The following SPECC1L variants were observed in gnomAD, a reference collection of about 807,000 sequenced individuals.
The protein encoded by SPECC1L is sperm antigen with calponin homology and coiled-coil domains 1 like, also known as cytospin-A.
SPECC1L carries 40 observed loss-of-function variants against 116.8 expected under a neutral mutation model. That is an observed-to-expected ratio of 0.34 (90% CI 0.27 to 0.45). The LOEUF is 0.45. Ranked by LOEUF, SPECC1L falls within the 20% of genes least tolerant of loss-of-function variation. The pLI is 1.00. For synonymous variants in SPECC1L, 504 were observed against 500.6 expected, an observed-to-expected ratio of 1.01 and a Z score of -0.09; for missense variants, 1,110 against 1,373.6, an observed-to-expected ratio of 0.81 and a Z score of 3.03.
At chr22:24,331,038 A>C (rs75646432) in intron 8 of SPECC1L, among the ~76,000 whole-genome samples, 5,139 of 152,306 alleles carry the variant, frequency 0.034, 176 homozygotes, top group African/African-American at 0.083. Flanking sequence ...CACTTGTTTT[A>C]TCTTATAATT....
intron 14 of SPECC1L, among the ~76,000 whole-genome samples, chr22:24,407,122 C>T (rs1274363854): frequency 6.6e-6 from 1 of 152,230 alleles, no homozygotes; most frequent in Admixed American, 6.5e-5. Context: ...GTGCAGCAGT[C>T]TGGCCTGGCT....
intron 14 of SPECC1L, among the ~76,000 whole-genome samples, chr22:24,410,851 C>G (rs1248549554): frequency 1.3e-5 from 2 of 152,138 alleles, no homozygotes; most frequent in African/African-American, 4.8e-5. Context: ...GCTTCAACAA[C>G]CAATGGAGAA....
chr22:24,343,750 G>A (rs2041230071), intron 10 of SPECC1L: 1 of 154,412 alleles, frequency 6.5e-6, no homozygotes, highest in Non-Finnish European at 1.4e-5. Context: ...AGCCCAAAAT[G>A]GCATCCTCAA....
chr22:24,273,676 TGA>T (rs771237768), intron 1 of SPECC1L, among the ~76,000 whole-genome samples: 17 of 152,356 alleles, frequency 1.1e-4, no homozygotes, highest in Non-Finnish European at 2.1e-4. Context: ...CACAGTCTAC[TGA>T]GAAATCCACT....
intron 2 of SPECC1L, among the ~76,000 whole-genome samples, chr22:24,281,211 A>G (rs2048936660): frequency 1.3e-5 from 2 of 152,244 alleles, no homozygotes; most frequent in South Asian, 4.1e-4. Flanking sequence ...GGAAAATTTC[A>G]AACATTTACA....
chr22:24,336,698 C>G (rs1195161458), intron 9 of SPECC1L, among the ~76,000 whole-genome samples: 2 of 152,038 alleles, frequency 1.3e-5, no homozygotes, highest in Admixed American at 1.3e-4. Flanking sequence ...CACAAAACTG[C>G]TTCATACTAA....
chr22:24,367,811 A>G (rs1009991839), intron 13 of SPECC1L, among the ~76,000 whole-genome samples: 15 of 152,220 alleles, frequency 9.9e-5, no homozygotes, highest in African/African-American at 3.4e-4. Flanking sequence ...TGCTTGTAAC[A>G]TACGAACCTT....
intron 4 of SPECC1L, among the ~76,000 whole-genome samples, chr22:24,313,919 A>T (rs570668683): frequency 2.6e-5 from 4 of 151,782 alleles, no homozygotes; most frequent in African/African-American, 9.7e-5. Context: ...TTGTATTTTT[A>T]GTAGAGATGG....
At chr22:24,318,821 C>T (rs1475488386) in intron 4 of SPECC1L, among the ~76,000 whole-genome samples, 1 of 151,098 alleles carries the variant, frequency 6.6e-6, no homozygotes, top group Non-Finnish European at 1.5e-5. Context: ...CCTAGCTACT[C>T]GGGTGGCTGA....
At chr22:24,350,994 C>T (rs532616459) in intron 11 of SPECC1L, among the ~76,000 whole-genome samples, 1 of 152,296 alleles carries the variant, frequency 6.6e-6, no homozygotes, top group Admixed American at 6.5e-5. Context: ...CAGGTGGCCT[C>T]TGAGGAGAGT....
In SPECC1L at chr22:24,414,050, C is replaced by T. The variant is rs531926592; in HGVS notation, c.3265-484C>T. On this transcript the variant is annotated intron_variant, in intron 16 of 16. Transcript: ENST00000314328. ...CAGTTCACCGGTCACAGGTCACTGG[C>T]GTTCAGCAGAGCACAGTTACAGAGC... is the stretch of plus-strand genomic sequence containing the variant. Among the ~76,000 whole-genome samples, 24 of 152,292 alleles carry T rather than the reference C, an allele frequency of 1.6e-4. 1 individual carries two copies. The highest frequency in any genetic ancestry group is 3.4e-3 in the Middle Eastern group (1 of 294).
At chr22:24,337,246 T>C (rs1238948247) in intron 9 of SPECC1L, among the ~76,000 whole-genome samples, 1 of 152,240 alleles carries the variant, frequency 6.6e-6, no homozygotes, top group Admixed American at 6.5e-5. Flanking sequence ...TGGAATATTA[T>C]TCAGCCACAA....
At chr22:24,369,120 T>C in intron 13 of SPECC1L, 98 bp from the exon 14 acceptor site, 1 of 824,016 alleles carries the variant, frequency 1.2e-6, no homozygotes, top group Non-Finnish European at 2.1e-6. Flanking sequence ...TGCCTTACCA[T>C]GTATATTTCC....
chr22:24,344,125 C>T (rs960084667), intron 10 of SPECC1L, among the ~76,000 whole-genome samples: 5 of 151,972 alleles, frequency 3.3e-5, no homozygotes, highest in Non-Finnish European at 7.4e-5. Context: ...CTAGCATTAC[C>T]TGATAGCAAA....
chr22:24,313,568 A>G (rs2146442973), intron 4 of SPECC1L, 102 bp downstream of exon 4: 2 of 1,382,940 alleles, frequency 1.4e-6, no homozygotes, highest in East Asian at 4.7e-5. Flanking sequence ...GAAATTTTAG[A>G]CATACAAAAG....
intron 2 of SPECC1L, among the ~76,000 whole-genome samples, chr22:24,285,109 G>T (rs189154570): frequency 6.6e-6 from 1 of 152,230 alleles, no homozygotes; most frequent in Non-Finnish European, 1.5e-5. Context: ...GACAAAGTTT[G>T]TAGTTGTCTA....
rs786201031 is a variant in SPECC1L, at chr22:24,412,690, G to A, written c.3247G>A (p.Gly1083Ser). The A allele has an allele frequency of 1.6e-5, 26 of 1,614,022 alleles. No individual in the cohort carries two copies. Among genetic ancestry groups the A allele is most frequent in the Non-Finnish European group, 2.0e-5 (24 of 1,180,050 alleles). ...GGCTTTCCAGGCAGCTGAAAGTGTC[G>A]GCATCAAATCCACACTGGTGAGCCC... is the stretch of plus-strand genomic sequence containing the variant. ...MLAFQAAESV[G>S]IKSTLDINEM... Residue 1083 changes from glycine to serine, a missense_variant, in exon 16 of 17, where the codon GGC (glycine) becomes AGC (serine). Gly to Ser is a moderately conservative substitution (Grantham distance 56). This residue lies in a region of SPECC1L where 76 missense variants were observed against 148.5 expected (regional missense o/e 0.51). Coordinates refer to ENST00000314328, the MANE Select transcript of SPECC1L (RefSeq NM_015330.6).
At chr22:24,401,123 C>G (rs1175893159) in intron 14 of SPECC1L, among the ~76,000 whole-genome samples, 1 of 152,222 alleles carries the variant, frequency 6.6e-6, no homozygotes, top group East Asian at 1.9e-4. Context: ...CTCACTCCTC[C>G]CATTGTGTCA....
At chr22:24,308,085 T>G (rs1467107571) in intron 3 of SPECC1L, among the ~76,000 whole-genome samples, 4 of 152,034 alleles carry the variant, frequency 2.6e-5, no homozygotes, top group Non-Finnish European at 5.9e-5. Flanking sequence ...GGGGGGCTGT[T>G]TCAGCATGAA....
Sources: allele counts gnomAD v4.1 joint callset (sites outside exome capture counted in the v4.1 genomes callset), GRCh38; gene constraint gnomAD v4.1.1; regional missense constraint gnomAD v4.1.1; transcripts MANE v1.5; gene names NCBI Gene and HGNC (gene_info 2026-07-23, HGNC 2026-07-21).